The following DSCAM variants were observed in gnomAD, a reference collection of about 807,000 sequenced individuals.
The protein encoded by DSCAM is cell adhesion molecule DSCAM.
In DSCAM, 47 loss-of-function variants were observed where a neutral mutation model predicts 217.7. That is an observed-to-expected ratio of 0.22 (90% CI 0.17 to 0.28). The LOEUF is 0.28. Among genes scored for constraint, DSCAM ranks in the 10% least tolerant of loss-of-function variants. The pLI is 1.00. For synonymous variants in DSCAM, 1,056 were observed against 1,015.3 expected (o/e 1.04, Z -0.76); for missense variants, 2,080 against 2,618.3 (o/e 0.79, Z 4.49).
intron 3 of DSCAM, among the ~76,000 whole-genome samples, chr21:40,575,382 G>A (rs2076841454): frequency 6.6e-6 from 1 of 152,006 alleles, no homozygotes; most frequent in Admixed American, 6.6e-5. Context: ...AGCCTGTTTG[G>A]TGATCTCTTC....
At chr21:40,347,597 C>CTGTCTTCTTCT in intron 6 of DSCAM, 73 bp downstream of exon 6, 3 of 1,590,292 alleles carry the variant, frequency 1.9e-6, no homozygotes, top group Non-Finnish European at 1.7e-6. Flanking sequence ...CTGCTTCACC[C>CTGTCTTCTTCT]TGTCTTCTTC....
At chr21:40,718,235 C>A (rs1182398565) in intron 1 of DSCAM, among the ~76,000 whole-genome samples, 1 of 152,090 alleles carries the variant, frequency 6.6e-6, no homozygotes, top group Non-Finnish European at 1.5e-5. Context: ...CTGGGCCACC[C>A]AATAGCAAAT....
intron 3 of DSCAM, among the ~76,000 whole-genome samples, chr21:40,375,883 G>T (rs1303774599): frequency 6.6e-6 from 1 of 152,124 alleles, no homozygotes; most frequent in Non-Finnish European, 1.5e-5. Context: ...TGCATAAAAA[G>T]AGTTTGTTCT....
intron 32 of DSCAM, among the ~76,000 whole-genome samples, chr21:40,028,557 C>T (rs530789707): frequency 4.6e-5 from 7 of 152,158 alleles, no homozygotes; most frequent in Admixed American, 2.6e-4. Flanking sequence ...CGTGGTGCGC[C>T]ATGTTTTAAG....
At chr21:40,061,130 C>CA (rs751338312) in intron 28 of DSCAM, among the ~76,000 whole-genome samples, 2 of 152,320 alleles carry the variant, frequency 1.3e-5, no homozygotes, top group Admixed American at 6.5e-5. Context: ...ATCCCAAATT[C>CA]AACATGACCC....
intron 1 of DSCAM, among the ~76,000 whole-genome samples, chr21:40,748,450 G>C (rs2091196259): frequency 6.6e-6 from 1 of 151,936 alleles, no homozygotes; most frequent in South Asian, 2.1e-4. Flanking sequence ...CAAACTATTT[G>C]AAATTGAAAT....
intron 3 of DSCAM, among the ~76,000 whole-genome samples, chr21:40,396,436 G>C (rs1686325616): frequency 6.6e-6 from 1 of 152,152 alleles, no homozygotes; most frequent in African/African-American, 2.4e-5. Context: ...CAAGGAGGCT[G>C]TTGGTTTGTT....
At chr21:40,648,470 T>A (rs2410262) in intron 3 of DSCAM, among the ~76,000 whole-genome samples, 1 of 151,714 alleles carries the variant, frequency 6.6e-6, no homozygotes, top group Middle Eastern at 3.2e-3. Flanking sequence ...TGGGTCCCCA[T>A]TGAAACCCAA....
intron 11 of DSCAM, among the ~76,000 whole-genome samples, chr21:40,275,160 T>C (rs543613263): frequency 6.6e-6 from 1 of 151,112 alleles, no homozygotes; most frequent in East Asian, 1.9e-4. Flanking sequence ...CCCTCATCTT[T>C]ATAAAAAATT....
intron 1 of DSCAM, among the ~76,000 whole-genome samples, chr21:40,723,624 G>A (rs1429004991): frequency 2.0e-5 from 3 of 152,086 alleles, no homozygotes; most frequent in African/African-American, 7.2e-5. Flanking sequence ...TTTATTGAAT[G>A]CATAAATAAA....
chr21:40,183,750 A>G (rs1458725263), intron 14 of DSCAM, among the ~76,000 whole-genome samples: 1 of 152,230 alleles, frequency 6.6e-6, no homozygotes, highest in South Asian at 2.1e-4. Flanking sequence ...TCAAGCATAG[A>G]GTGAATGGTC....
intron 31 of DSCAM, among the ~76,000 whole-genome samples, chr21:40,042,971 G>C (rs940141975): frequency 6.6e-6 from 1 of 152,168 alleles, no homozygotes; most frequent in African/African-American, 2.4e-5. Context: ...TGCTTTTAGT[G>C]AAAACAGTAG....
chr21:40,845,771 T>C (rs2092140112), intron 1 of DSCAM, among the ~76,000 whole-genome samples: 1 of 152,218 alleles, frequency 6.6e-6, no homozygotes, highest in African/African-American at 2.4e-5. Context: ...GACAATTTCC[T>C]CTGGTTCCCA....
In DSCAM at chr21:40,559,839, C is replaced by G. The variant is rs1262755320; in HGVS notation, c.508+132971G>C. On this transcript the variant is annotated intron_variant, in intron 3 of 32. Transcript: ENST00000400454. ...ATGGAGTCTCGCTCTGTCTCCCAGG[C>G]TGGAGTGCAGTGGCGCGATCTCGGC... Among the ~76,000 whole-genome samples the G allele has an allele frequency of 4.4e-5, 6 of 136,280 alleles. No individual in the cohort carries two copies. In the Admixed American group the frequency reaches 5.0e-4, roughly 11 times the overall value. 89.4% of individuals were successfully genotyped at this position (136,280 alleles called of 152,430 possible).
At chr21:40,741,575 C>A (rs1037843203) in intron 1 of DSCAM, among the ~76,000 whole-genome samples, 28 of 152,126 alleles carry the variant, frequency 1.8e-4, no homozygotes, top group African/African-American at 6.5e-4. Flanking sequence ...AGAAAAGTCA[C>A]CTGTGTGTTT....
At chr21:40,608,726 A>C (rs2089275066) in intron 3 of DSCAM, among the ~76,000 whole-genome samples, 1 of 152,194 alleles carries the variant, frequency 6.6e-6, no homozygotes, top group African/African-American at 2.4e-5. Context: ...ACATTGATTC[A>C]TTTTAATTGT....
intron 16 of DSCAM, among the ~76,000 whole-genome samples, chr21:40,164,507 T>TA (rs2090572772): frequency 6.6e-6 from 1 of 152,050 alleles, no homozygotes; most frequent in Non-Finnish European, 1.5e-5. Flanking sequence ...ATAACTAAGA[T>TA]AAAAAGGGTG....
chr21:40,227,905 T>A (rs1257692352), intron 11 of DSCAM, among the ~76,000 whole-genome samples: 2 of 152,338 alleles, frequency 1.3e-5, no homozygotes, highest in East Asian at 3.9e-4. Flanking sequence ...CCCTGGTTTG[T>A]TTCAAGATCC....
intron 16 of DSCAM, among the ~76,000 whole-genome samples, chr21:40,165,017 C>T (rs2090578941): frequency 6.6e-6 from 1 of 152,092 alleles, no homozygotes; most frequent in South Asian, 2.1e-4. Flanking sequence ...GAGCTATTTC[C>T]TCCTTTACCC....
Sources: gnomAD v4.1 joint callset for allele counts (sites outside exome capture counted in the v4.1 genomes callset) on GRCh38, gnomAD v4.1.1 for gene constraint, MANE v1.5 for transcripts, NCBI Gene and HGNC (gene_info 2026-07-23, HGNC 2026-07-21) for gene names.